SLC25A21: variants seen among roughly 807,000 people sequenced by gnomAD.
The protein encoded by SLC25A21 is mitochondrial 2-oxodicarboxylate carrier.
A neutral mutation model predicts 43.8 loss-of-function variants in SLC25A21; 47 were observed. That is an observed-to-expected ratio of 1.07 (90% confidence interval 0.85 to 1.37). The LOEUF is 1.37. Ranked by LOEUF, SLC25A21 falls within the 40% of genes most tolerant of loss-of-function variation. The pLI is 0.00. For synonymous variants in SLC25A21, 131 were observed against 121.3 expected (o/e 1.08, Z -0.52); for missense variants, 352 against 350.2 (o/e 1.00, Z -0.04).
At chr14:37,041,401 T>G (rs1961468628) in intron 1 of SLC25A21, among the ~76,000 whole-genome samples, 2 of 152,152 alleles carry the variant, frequency 1.3e-5, no homozygotes, top group East Asian at 3.8e-4. Context: ...ATTCCCGTAG[T>G]GCCAGCACTC....
At chr14:36,916,467 C>G (rs968552916) in intron 1 of SLC25A21, among the ~76,000 whole-genome samples, 1 of 152,130 alleles carries the variant, frequency 6.6e-6, no homozygotes, top group African/African-American at 2.4e-5. Flanking sequence ...CAATGTATTT[C>G]CAACATAGTT....
At chr14:37,092,796 T>C (rs1962613844) in intron 1 of SLC25A21, among the ~76,000 whole-genome samples, 1 of 152,104 alleles carries the variant, frequency 6.6e-6, no homozygotes, top group South Asian at 2.1e-4. Context: ...TTCAATTAAA[T>C]AGATAATAAA....
intron 1 of SLC25A21, among the ~76,000 whole-genome samples, chr14:36,952,845 C>G (rs561356949): frequency 1.1e-4 from 17 of 152,196 alleles, no homozygotes; most frequent in African/African-American, 3.9e-4. Flanking sequence ...GGTTTGGTTC[C>G]CAAGTTGTCA....
intron 5 of SLC25A21, among the ~76,000 whole-genome samples, chr14:36,728,344 G>T (rs899500517): frequency 2.0e-5 from 3 of 152,150 alleles, no homozygotes; most frequent in African/African-American, 7.2e-5. Flanking sequence ...ACCAATGTTT[G>T]ACACAAGAAC....
chr14:36,903,679 A>G (rs912581489), intron 1 of SLC25A21, among the ~76,000 whole-genome samples: 1 of 135,360 alleles, frequency 7.4e-6, no homozygotes. Context: ...GAGTTTTCAC[A>G]TAAAAAAAAA....
chr14:37,091,214 C>T (rs1382269515), intron 1 of SLC25A21, among the ~76,000 whole-genome samples: 4 of 152,074 alleles, frequency 2.6e-5, no homozygotes, highest in African/African-American at 9.7e-5. Flanking sequence ...GCAGGTGGAT[C>T]ATGAGGTCAG....
chr14:36,730,995 T>C (rs1276934702), intron 4 of SLC25A21, among the ~76,000 whole-genome samples: 2 of 149,778 alleles, frequency 1.3e-5, no homozygotes, highest in Non-Finnish European at 3.0e-5. Flanking sequence ...TTTTTCGAGA[T>C]GGAGTCTCGC....
chr14:36,977,213 A>G (rs572016794), intron 1 of SLC25A21, among the ~76,000 whole-genome samples: 3 of 152,130 alleles, frequency 2.0e-5, no homozygotes, highest in East Asian at 1.9e-4. Context: ...TCTATCCTCA[A>G]TAGTTTTCGT....
intron 1 of SLC25A21, among the ~76,000 whole-genome samples, chr14:37,155,768 G>C (rs1234775583): frequency 6.6e-6 from 1 of 152,158 alleles, no homozygotes; most frequent in Admixed American, 6.5e-5. Context: ...ACAAGCAAAT[G>C]CTGAAGGAAT....
chr14:37,054,193 T>C (rs1393859285), intron 1 of SLC25A21, among the ~76,000 whole-genome samples: 4 of 152,188 alleles, frequency 2.6e-5, no homozygotes, highest in African/African-American at 9.7e-5. Flanking sequence ...AAGATAGTTC[T>C]AGTTGATAGT....
chr14:36,697,459 T>C (rs750007972), intron 7 of SLC25A21, among the ~76,000 whole-genome samples: 2 of 152,182 alleles, frequency 1.3e-5, no homozygotes, highest in Non-Finnish European at 2.9e-5. Flanking sequence ...AGGTCCTGGA[T>C]ATGCTTGTTA....
At chr14:36,927,057 C>G (rs951434856) in intron 1 of SLC25A21, among the ~76,000 whole-genome samples, 22 of 152,246 alleles carry the variant, frequency 1.4e-4, no homozygotes, top group African/African-American at 5.3e-4. Flanking sequence ...GTTGTCCCAG[C>G]TACTCAGGAG....
chr14:37,153,826 G>A (rs140107571), intron 1 of SLC25A21, among the ~76,000 whole-genome samples: 13 of 152,204 alleles, frequency 8.5e-5, no homozygotes, highest in African/African-American at 2.9e-4. Context: ...CCAGGGTCTC[G>A]ACTGCTATCT....
At chr14:36,774,848 T>C (rs948558830) in intron 3 of SLC25A21, among the ~76,000 whole-genome samples, 1 of 152,242 alleles carries the variant, frequency 6.6e-6, no homozygotes, top group Non-Finnish European at 1.5e-5. Flanking sequence ...CTTAGTAATA[T>C]ATATTGTGTT....
chr14:36,940,854 G>C (rs965799679), intron 1 of SLC25A21, among the ~76,000 whole-genome samples: 1 of 152,108 alleles, frequency 6.6e-6, no homozygotes, highest in South Asian at 2.1e-4. Context: ...GCTGATCTGA[G>C]AAACTGGAGA....
rs147539153 is a variant in SLC25A21, at chr14:36,981,772, G to A, written c.71-106768C>T. 2.8e-4 allele frequency among the ~76,000 whole-genome samples: 42 copies of A among 152,144 alleles called. 1 individual carries two copies. The highest frequency in any genetic ancestry group is 9.6e-4 in the African/African-American group (40 of 41,502). ...TTAATGGGTGCAGCATACCAACATG[G>A]CACATGTATACATATGTAACAAACC... On this transcript the variant is annotated intron_variant, in intron 1 of 9. Coordinates refer to ENST00000331299, the MANE Select transcript of SLC25A21 (RefSeq NM_030631.4).
intron 1 of SLC25A21, among the ~76,000 whole-genome samples, chr14:37,005,606 G>C (rs1436258590): frequency 1.3e-5 from 2 of 152,102 alleles, no homozygotes; most frequent in African/African-American, 2.4e-5. Flanking sequence ...CTGCACTTAT[G>C]GATTAGATTT....
intron 1 of SLC25A21, among the ~76,000 whole-genome samples, chr14:36,978,894 G>C (rs899043578): frequency 1.3e-5 from 2 of 152,076 alleles, no homozygotes; most frequent in African/African-American, 4.8e-5. Context: ...AGTTTACTGA[G>C]CTGGGCAACA....
chr14:36,779,609 C>CATATATATATATATATATATAT (rs35392668), intron 3 of SLC25A21, among the ~76,000 whole-genome samples: 2 of 122,484 alleles, frequency 1.6e-5, no homozygotes, highest in Non-Finnish European at 3.5e-5. Context: ...TATGTGTATA[C>CATATATATATATATATATATAT]ATATATATAT....
Sources: allele counts gnomAD v4.1 joint callset (sites outside exome capture counted in the v4.1 genomes callset), GRCh38; gene constraint gnomAD v4.1.1; transcripts MANE v1.5; gene names NCBI Gene and HGNC (gene_info 2026-07-23, HGNC 2026-07-21).